Variants in LINGO2 observed in about 807,000 individuals in gnomAD.
The protein encoded by LINGO2 is leucine rich repeat and Ig domain containing 2.
In LINGO2, 14 loss-of-function variants were observed where a neutral mutation model predicts 30.6. The observed-to-expected ratio is 0.46, with a 90% CI of 0.30 to 0.72. The LOEUF (loss-of-function observed/expected upper bound fraction) is 0.72. LINGO2 is among the 30% of genes least tolerant of loss of function. The probability of loss-of-function intolerance (pLI) is 0.07; values close to 1 mark genes in which losing one functional copy is unlikely to be tolerated. For synonymous variants in LINGO2, 317 were observed against 288.5 expected, an observed-to-expected ratio of 1.10 and a Z score of -1.00; for missense variants, 729 against 751.7, an observed-to-expected ratio of 0.97 and a Z score of 0.35.
the LINGO2 span, among the ~76,000 whole-genome samples, chr9:29,067,575 C>A: frequency 2.6e-4 from 39 of 151,214 alleles, no homozygotes; most frequent in Admixed American, 4.6e-4. Flanking sequence ...AAAGTGAACA[C>A]GCAAATAATT....
chr9:28,548,248 G>A (rs547440341), intron 1 of LINGO2, among the ~76,000 whole-genome samples: 44 of 152,214 alleles, frequency 2.9e-4, no homozygotes, highest in Admixed American at 6.5e-4. Context: ...GGACTGTTAC[G>A]TAGGATAAAT....
At chr9:28,590,380 G>A (rs1040375560) in intron 1 of LINGO2, among the ~76,000 whole-genome samples, 4 of 152,020 alleles carry the variant, frequency 2.6e-5, no homozygotes, top group Non-Finnish European at 5.9e-5. Context: ...CCTACAGAAT[G>A]GGAGAAAATT....
chr9:28,504,267 T>A (rs182040015), intron 1 of LINGO2, among the ~76,000 whole-genome samples: 92 of 152,084 alleles, frequency 6.0e-4, no homozygotes, highest in Non-Finnish European at 9.3e-4. Context: ...CTGTTTAGTA[T>A]TGTTTATCAT....
intron 1 of LINGO2, among the ~76,000 whole-genome samples, chr9:28,654,955 G>A (rs1007682805): frequency 3.9e-5 from 6 of 152,074 alleles, no homozygotes; most frequent in Admixed American, 6.6e-5. Flanking sequence ...GTGTGAAAAT[G>A]CTGGTATCCT....
At chr9:28,278,587 T>C (rs1020041001) in intron 4 of LINGO2, among the ~76,000 whole-genome samples, 1 of 152,202 alleles carries the variant, frequency 6.6e-6, no homozygotes. Flanking sequence ...GATGACAGCA[T>C]ATCTATTTAC....
intron 1 of LINGO2, among the ~76,000 whole-genome samples, chr9:28,621,154 TC>T (rs1826370742): frequency 6.6e-6 from 1 of 151,918 alleles, no homozygotes; most frequent in South Asian, 2.1e-4. Flanking sequence ...AAAACAAACA[TC>T]CTACATAAAA....
intron 4 of LINGO2, among the ~76,000 whole-genome samples, chr9:28,196,623 C>T (rs541048550): frequency 6.6e-6 from 1 of 151,866 alleles, no homozygotes; most frequent in South Asian, 2.1e-4. Flanking sequence ...CAAAATTGTG[C>T]CATTTTTTAG....
intron 3 of LINGO2, among the ~76,000 whole-genome samples, chr9:28,356,872 C>T (rs1587532906): frequency 6.6e-6 from 1 of 152,094 alleles, no homozygotes; most frequent in South Asian, 2.1e-4. Context: ...AGTTTACTTC[C>T]TCTTCCACTG....
At chr9:29,099,532 A>G in the LINGO2 span, among the ~76,000 whole-genome samples, 1 of 152,194 alleles carries the variant, frequency 6.6e-6, no homozygotes, top group Non-Finnish European at 1.5e-5. Flanking sequence ...AAAGAACTCT[A>G]TATGAAAAAA....
At chr9:28,270,497 C>A (rs1272134330) in intron 4 of LINGO2, among the ~76,000 whole-genome samples, 1 of 151,990 alleles carries the variant, frequency 6.6e-6, no homozygotes, top group Non-Finnish European at 1.5e-5. Flanking sequence ...GACCACCAGG[C>A]CATGCCTCAA....
At chr9:28,431,939 C>T (rs1823695146) in intron 2 of LINGO2, among the ~76,000 whole-genome samples, 1 of 152,098 alleles carries the variant, frequency 6.6e-6, no homozygotes, top group South Asian at 2.1e-4. Flanking sequence ...CTTACTCCCT[C>T]TCTCTTTCCC....
chr9:28,552,056 GCTAA>G (rs988508450), intron 1 of LINGO2, among the ~76,000 whole-genome samples: 9 of 151,804 alleles, frequency 5.9e-5, no homozygotes, highest in Admixed American at 1.3e-4. Flanking sequence ...AGTAATAATC[GCTAA>G]CTGTCATTTA....
the LINGO2 span, among the ~76,000 whole-genome samples, chr9:29,030,838 C>T: frequency 2.0e-5 from 3 of 152,126 alleles, no homozygotes; most frequent in Non-Finnish European, 4.4e-5. Context: ...TTACAAACTG[C>T]AAGTGTACCT....
rs1375768693 is a variant in LINGO2 at position 28,373,863 on chromosome 9, G to A, written c.-278-995C>T. Among the ~76,000 whole-genome samples, 9 of 146,728 alleles carry A rather than the reference G, an allele frequency of 6.1e-5. No homozygotes were observed. The Admixed American group carries it at 6.2e-4, about 10-fold the overall frequency. ...TGCAGTGAGCCAAGATCAGGCCACT[G>A]CACTCCAGCCTGGGCAATAAGAGCA... On this transcript the variant is annotated intron_variant, in intron 2 of 5. Coordinates refer to ENST00000379992, the Ensembl canonical transcript of LINGO2.
chr9:29,046,828 C>T, the LINGO2 span, among the ~76,000 whole-genome samples: 1 of 151,922 alleles, frequency 6.6e-6, no homozygotes, highest in Admixed American at 6.6e-5. Context: ...CCTGTAATTC[C>T]AGCACTCTGG....
chr9:27,953,932 T>A (rs975311153), intron 5 of LINGO2, among the ~76,000 whole-genome samples: 11 of 152,200 alleles, frequency 7.2e-5, no homozygotes, highest in African/African-American at 2.7e-4. Flanking sequence ...ATAATAAAGA[T>A]GTTGACAATA....
At chr9:29,032,573 A>C in the LINGO2 span, among the ~76,000 whole-genome samples, 231 of 152,314 alleles carry the variant, frequency 1.5e-3, no homozygotes, top group African/African-American at 5.3e-3. Flanking sequence ...TCAAAGTCTG[A>C]AAGTGAATGA....
intron 4 of LINGO2, among the ~76,000 whole-genome samples, chr9:28,077,038 A>C (rs1310263234): frequency 1.3e-5 from 2 of 152,178 alleles, no homozygotes; most frequent in East Asian, 1.9e-4. Flanking sequence ...CAACATTTTG[A>C]CGTGACTTAA....
the LINGO2 span, among the ~76,000 whole-genome samples, chr9:29,134,479 T>C: frequency 1.3e-5 from 2 of 152,154 alleles, no homozygotes; most frequent in Non-Finnish European, 2.9e-5. Flanking sequence ...GTTGGTTGTA[T>C]TTTATGTGTT....
Sources: gnomAD v4.1 joint callset for allele counts (sites outside exome capture counted in the v4.1 genomes callset) on GRCh38, gnomAD v4.1.1 for gene constraint, MANE v1.5 for transcripts, NCBI Gene and HGNC (gene_info 2026-07-23, HGNC 2026-07-21) for gene names.